EPB41L3: variants seen among roughly 807,000 people sequenced by gnomAD.
EPB41L3 encodes the protein band 4.1-like protein 3.
A neutral mutation model predicts 127.1 loss-of-function variants in EPB41L3; 57 were observed. The observed-to-expected ratio is 0.45, with a 90% CI of 0.36 to 0.56. The LOEUF (loss-of-function observed/expected upper bound fraction) is 0.56. Among genes scored for constraint, EPB41L3 ranks in the 20% least tolerant of loss-of-function variants. The pLI, the probability that EPB41L3 is intolerant of heterozygous loss-of-function variation, is 0.00. For synonymous variants in EPB41L3, 572 were observed against 549.5 expected, an observed-to-expected ratio of 1.04 and a Z score of -0.57; for missense variants, 1,273 against 1,372.2, an observed-to-expected ratio of 0.93 and a Z score of 1.14.
At chr18:5,537,171 G>A (rs535285598) in intron 1 of EPB41L3, among the ~76,000 whole-genome samples, 2 of 152,288 alleles carry the variant, frequency 1.3e-5, no homozygotes, top group East Asian at 1.9e-4. Context: ...ACTCTGATAC[G>A]TAATACATTC....
At chr18:5,494,198 T>C (rs1441844274) in intron 1 of EPB41L3, among the ~76,000 whole-genome samples, 1 of 152,124 alleles carries the variant, frequency 6.6e-6, no homozygotes, top group Admixed American at 6.5e-5. Flanking sequence ...ACCCCCTGCC[T>C]GCTGCCAACC....
At chr18:5,441,693 T>C (rs2080801675) in intron 5 of EPB41L3, among the ~76,000 whole-genome samples, 1 of 152,084 alleles carries the variant, frequency 6.6e-6, no homozygotes, top group Non-Finnish European at 1.5e-5. Flanking sequence ...CTCGATCTCC[T>C]GACCTCGTGA....
chr18:5,545,061 TCA>T (rs1420034418), upstream of EPB41L3, among the ~76,000 whole-genome samples: 1 of 152,190 alleles, frequency 6.6e-6, no homozygotes, highest in African/African-American at 2.4e-5. Flanking sequence ...ATCTATCAAC[TCA>T]CATAGTTATG....
intron 3 of EPB41L3, among the ~76,000 whole-genome samples, chr18:5,473,825 T>C (rs1163519189): frequency 6.6e-6 from 1 of 152,174 alleles, no homozygotes; most frequent in Non-Finnish European, 1.5e-5. Context: ...TTGGCATACA[T>C]GAAAATCTGG....
At chr18:5,572,042 A>G (rs7236818) in intron 3 of EPB41L3, among the ~76,000 whole-genome samples, 4,069 of 152,304 alleles carry the variant, frequency 0.027, 122 homozygotes, top group African/African-American at 0.077. Context: ...GTAAATAACC[A>G]TATATTGATG....
intron 16 of EPB41L3, among the ~76,000 whole-genome samples, chr18:5,404,959 T>G (rs2075119077): frequency 6.6e-6 from 1 of 152,236 alleles, no homozygotes; most frequent in Non-Finnish European, 1.5e-5. Flanking sequence ...AATGTGAAAT[T>G]TGTCTCTTGA....
At chr18:5,605,779 C>T (rs1474842825) in intron 3 of EPB41L3, among the ~76,000 whole-genome samples, 1 of 152,028 alleles carries the variant, frequency 6.6e-6, no homozygotes, top group African/African-American at 2.4e-5. Flanking sequence ...ATTCATCACT[C>T]CCATAATATG....
chr18:5,509,125 T>G (rs896740881), intron 1 of EPB41L3, among the ~76,000 whole-genome samples: 2 of 152,226 alleles, frequency 1.3e-5, no homozygotes, highest in African/African-American at 2.4e-5. Context: ...CAAACTGGTT[T>G]GGTCTTGCCT....
chr18:5,441,656 G>C (rs1265835428), intron 5 of EPB41L3, among the ~76,000 whole-genome samples: 1 of 152,072 alleles, frequency 6.6e-6, no homozygotes, highest in Non-Finnish European at 1.5e-5. Flanking sequence ...AGTAGAGACG[G>C]GGTTTCACCG....
chr18:5,448,508 G>T (rs889588598), intron 3 of EPB41L3, among the ~76,000 whole-genome samples: 2 of 152,210 alleles, frequency 1.3e-5, no homozygotes, highest in African/African-American at 2.4e-5. Flanking sequence ...TTGGAGAAAT[G>T]ATGTTTATTA....
chr18:5,577,180 G>C (rs1568598755), intron 3 of EPB41L3: 1 of 236,434 alleles, frequency 4.2e-6, no homozygotes, highest in African/African-American at 2.3e-5. Flanking sequence ...CATTTTAAGA[G>C]GCATCATGCA....
At chr18:5,616,814 G>C (rs1403048765) in intron 1 of EPB41L3, among the ~76,000 whole-genome samples, 1 of 152,110 alleles carries the variant, frequency 6.6e-6, no homozygotes, top group Non-Finnish European at 1.5e-5. Context: ...TTGGTTGATA[G>C]CTATGGTTCA....
intron 16 of EPB41L3, among the ~76,000 whole-genome samples, chr18:5,402,936 T>A (rs77430320): frequency 0.014 from 2,084 of 152,296 alleles, 42 homozygotes; most frequent in African/African-American, 0.046. Flanking sequence ...ATAGTAATCA[T>A]CTAGCTCAAG....
intron 3 of EPB41L3, among the ~76,000 whole-genome samples, chr18:5,455,992 AT>A (rs2082997238): frequency 6.6e-6 from 1 of 152,108 alleles, no homozygotes; most frequent in Non-Finnish European, 1.5e-5. Context: ...AACTTTGAGA[AT>A]TTTCCTGTGA....
chr18:5,454,972 G>T (rs992399797), intron 3 of EPB41L3, among the ~76,000 whole-genome samples: 4 of 152,160 alleles, frequency 2.6e-5, no homozygotes, highest in Admixed American at 2.0e-4. Context: ...CTGGACTCTG[G>T]TTCTACAACT....
At chr18:5,540,656 A>C (rs1220851060) in intron 1 of EPB41L3, 2 of 582,512 alleles carry the variant, frequency 3.4e-6, no homozygotes, top group Non-Finnish European at 4.3e-6. Flanking sequence ...ACGATTAAGG[A>C]TCTCTCTAAC....
At chr18:5,428,558 T>A in intron 8 of EPB41L3, 93 bp from the exon 9 acceptor site, 2 of 1,450,564 alleles carry the variant, frequency 1.4e-6, no homozygotes, top group Non-Finnish European at 1.9e-6. Flanking sequence ...ACAGAAACTA[T>A]AAATGGCTGG....
intron 22 of EPB41L3, 62 bp downstream of exon 22, chr18:5,394,615 G>A: frequency 8.1e-7 from 1 of 1,239,234 alleles, no homozygotes; most frequent in East Asian, 2.3e-5. Context: ...AAGGATGAGA[G>A]GGAAGTGCCC....
chr18:5,628,066 T>C lies in EPB41L3; in HGVS notation c.-468+856A>G, dbSNP rs571735653. Among the ~76,000 whole-genome samples the C allele has an allele frequency of 5.7e-4, 87 of 152,304 alleles. 2 individuals carry two copies. Among genetic ancestry groups the C allele is most frequent in the South Asian group, 2.9e-3 (14 of 4,828 alleles). ...TTGACTCTTTCCTTGTTCTAGATTA[T>C]GTGTAACGATATGGGCACACTGGAG... On this transcript the variant is annotated intron_variant, in intron 1 of 21. Transcript: ENST00000545076.
Sources: gnomAD v4.1 joint callset for allele counts (sites outside exome capture counted in the v4.1 genomes callset) on GRCh38, gnomAD v4.1.1 for gene constraint, MANE v1.5 for transcripts, NCBI Gene and HGNC (gene_info 2026-07-23, HGNC 2026-07-21) for gene names.